Variants in RAB3IL1 observed in about 807,000 individuals in gnomAD.
RAB3IL1 encodes guanine nucleotide exchange factor for Rab-3A.
Under a neutral mutation model 49.2 loss-of-function variants are expected in RAB3IL1, and 37 were observed. That is an observed-to-expected ratio of 0.75 (90% CI 0.58 to 0.99). The LOEUF (loss-of-function observed/expected upper bound fraction) is 0.99. RAB3IL1 is among the 50% of genes least tolerant of loss of function. The pLI, the probability that RAB3IL1 is intolerant of heterozygous loss-of-function variation, is 0.00. For missense variants in RAB3IL1, 484 were observed against 513.0 expected, an observed-to-expected ratio of 0.94 and a Z score of 0.55; for synonymous variants, 193 against 213.9, an observed-to-expected ratio of 0.90 and a Z score of 0.85.
chr11:61,924,557 C>A (rs1424480941), upstream of RAB3IL1, among the ~76,000 whole-genome samples: 1 of 152,250 alleles, frequency 6.6e-6, no homozygotes, highest in East Asian at 1.9e-4. Context: ...CGAAATGAAT[C>A]CCTTCTCTGG....
intron 1 of RAB3IL1, among the ~76,000 whole-genome samples, chr11:61,909,127 C>T (rs928698868): frequency 6.6e-6 from 1 of 152,186 alleles, no homozygotes; most frequent in African/African-American, 2.4e-5. Context: ...CCTCTGGACT[C>T]GCTCACTCAG....
the RAB3IL1 span, among the ~76,000 whole-genome samples, chr11:61,941,873 G>A: frequency 6.6e-6 from 1 of 152,076 alleles, no homozygotes; most frequent in Admixed American, 6.6e-5. Context: ...GTGTCCATGT[G>A]GGATTTATCA....
At chr11:61,920,861 TG>T (rs914757198), upstream of RAB3IL1, among the ~76,000 whole-genome samples, 2 of 152,134 alleles carry the variant, frequency 1.3e-5, no homozygotes, top group African/African-American at 4.8e-5. Flanking sequence ...AGGCGGAGGT[TG>T]CGGTGAGCTG....
chr11:61,907,753 G>A (rs954350712), intron 2 of RAB3IL1, 93 bp from the exon 3 acceptor site: 5 of 1,141,600 alleles, frequency 4.4e-6, no homozygotes, highest in Admixed American at 2.2e-5. Context: ...CCATCCCCTC[G>A]TCATTTTATG....
At chr11:61,901,036 C>A (rs900017092) in intron 8 of RAB3IL1, among the ~76,000 whole-genome samples, 2 of 152,078 alleles carry the variant, frequency 1.3e-5, no homozygotes, top group African/African-American at 4.8e-5. Flanking sequence ...CAAGGCTCAG[C>A]CTCCCTTTTG....
At chr11:61,907,304 T>C (rs1939239868) in intron 4 of RAB3IL1, 89 bp downstream of exon 4, 3 of 1,385,160 alleles carry the variant, frequency 2.2e-6, no homozygotes, top group South Asian at 2.4e-5. Context: ...CAGGTGAGCG[T>C]CCACTCGGGC....
upstream of RAB3IL1, among the ~76,000 whole-genome samples, chr11:61,923,416 A>C (rs558910262): frequency 2.1e-3 from 316 of 152,240 alleles, no homozygotes; most frequent in Middle Eastern, 6.8e-3. Context: ...GCCTCTGCAT[A>C]GAGCTCAGTC....
upstream of RAB3IL1, chr11:61,917,628 G>A (rs995310995): frequency 8.1e-6 from 8 of 981,922 alleles, no homozygotes; most frequent in African/African-American, 8.7e-5. Flanking sequence ...CCGGCCCGGC[G>A]CTGGGATCCG....
the RAB3IL1 span, among the ~76,000 whole-genome samples, chr11:61,933,436 C>A: frequency 6.6e-6 from 1 of 152,180 alleles, no homozygotes; most frequent in African/African-American, 2.4e-5. Context: ...GAGCATAGAT[C>A]TACTGACATC....
intron 2 of RAB3IL1, 101 bp downstream of exon 2, chr11:61,907,953 C>T: frequency 6.7e-7 from 1 of 1,491,884 alleles, no homozygotes; most frequent in South Asian, 1.3e-5. Context: ...GGGCACATCC[C>T]TCTCCCTTGG....
chr11:61,907,246 T>A lies in RAB3IL1; in HGVS notation c.438+147A>T, dbSNP rs970510219. The A allele has an allele frequency of 1.4e-5, 11 of 790,116 alleles. No individual in the cohort carries two copies. The East Asian group carries it at 2.7e-4, about 19-fold the overall frequency. 48.9% of individuals were successfully genotyped at this position (790,116 alleles called of 1,614,324 possible). On this transcript the variant is annotated intron_variant, in intron 4 of 9. Transcript: ENST00000394836. ...GTGATCTCAGACCCCCACCCTTCCC[T>A]TCCCTCCCTGGGCCTAGGTTCACCC...
the RAB3IL1 span, chr11:61,945,692 C>T: frequency 7.7e-6 from 7 of 910,042 alleles, no homozygotes; most frequent in African/African-American, 3.6e-5. Context: ...ATGTCCTTTC[C>T]GCTACCCACC....
chr11:61,937,771 TA>T, the RAB3IL1 span: 179 of 152,032 alleles, frequency 1.2e-3, no homozygotes, highest in African/African-American at 4.1e-3. Context: ...ATAATGCATA[TA>T]AAAAATAGCA....
the RAB3IL1 span, among the ~76,000 whole-genome samples, chr11:61,929,878 GC>G: frequency 8.0e-6 from 1 of 125,528 alleles, no homozygotes; most frequent in Admixed American, 8.8e-5. Context: ...GAGCCACCGC[GC>G]CCGGCTTTTT....
At chr11:61,908,591 G>A (rs562580314) in intron 1 of RAB3IL1, among the ~76,000 whole-genome samples, 4 of 152,328 alleles carry the variant, frequency 2.6e-5, no homozygotes, top group Non-Finnish European at 5.9e-5. Flanking sequence ...CACAGTAGGT[G>A]GTCAGCGTCT....
At chr11:61,911,656 G>A (rs1476373236) in intron 1 of RAB3IL1, among the ~76,000 whole-genome samples, 2 of 152,184 alleles carry the variant, frequency 1.3e-5, no homozygotes, top group Non-Finnish European at 2.9e-5. Context: ...CCCGTTCCCT[G>A]CAGAAACAGA....
chr11:61,925,525 C>T, the RAB3IL1 span, among the ~76,000 whole-genome samples: 1 of 151,946 alleles, frequency 6.6e-6, no homozygotes, highest in Non-Finnish European at 1.5e-5. Flanking sequence ...ATCCCAGCTA[C>T]TTGGGAGGCT....
upstream of RAB3IL1, chr11:61,920,269 G>T: frequency 8.1e-7 from 1 of 1,234,440 alleles, no homozygotes; most frequent in Non-Finnish European, 1.0e-6. Context: ...CCCCCCACCA[G>T]GCTGAGCCTC....
rs764839313 is a variant in RAB3IL1 at position 61,908,168 on chromosome 11, G to C, written c.150C>G (p.Gly50=). 16 of 1,560,408 alleles carry C rather than the reference G, an allele frequency of 1.0e-5. No homozygotes were observed. The highest frequency in any genetic ancestry group is 1.4e-5 in the Non-Finnish European group (16 of 1,155,004). ...GCTGGGCGGCTGCGGGGCCCTCCTGGCCTTGGGCCTCCTCCCCTGCAGAGG... is the reference window on the plus strand; with the variant it reads ...GCTGGGCGGCTGCGGGGCCCTCCTGCCCTTGGGCCTCCTCCCCTGCAGAGG... ...VETSAGEEAQ[G]QEGPAAAQLD... Residue 50 remains glycine (G), a synonymous_variant, in exon 2 of 10, where the codon GGC becomes GGG. Coordinates refer to ENST00000394836, the MANE Select transcript of RAB3IL1 (RefSeq NM_013401.4).
Sources: allele counts gnomAD v4.1 joint callset (sites outside exome capture counted in the v4.1 genomes callset), GRCh38; gene constraint gnomAD v4.1.1; transcripts MANE v1.5; gene names NCBI Gene and HGNC (gene_info 2026-07-23, HGNC 2026-07-21).